PWWP2A: variants seen among roughly 807,000 people sequenced by gnomAD.
PWWP2A encodes the protein PWWP domain-containing protein 2A.
A neutral mutation model predicts 48.5 loss-of-function variants in PWWP2A; 18 were observed. That is an observed-to-expected ratio of 0.37 (90% CI 0.26 to 0.55). PWWP2A has a LOEUF of 0.55. Ranked by LOEUF, PWWP2A falls within the 20% of genes least tolerant of loss-of-function variation. The pLI, the probability that PWWP2A is intolerant of heterozygous loss-of-function variation, is 0.81. For synonymous variants in PWWP2A, 396 were observed against 387.7 expected (o/e 1.02, Z -0.25); for missense variants, 867 against 976.4 (o/e 0.89, Z 1.49).
At chr5:160,069,746 T>C (rs1290195668) in intron 2 of PWWP2A, among the ~76,000 whole-genome samples, 1 of 152,164 alleles carries the variant, frequency 6.6e-6, no homozygotes, top group African/African-American at 2.4e-5. Flanking sequence ...GTAAAGAAGG[T>C]CACTCTAAGC....
downstream of PWWP2A, among the ~76,000 whole-genome samples, chr5:160,087,181 G>C (rs111988279): frequency 0.013 from 1,934 of 152,136 alleles, 46 homozygotes; most frequent in African/African-American, 0.044. Flanking sequence ...GAGTTTGATA[G>C]CAGCCTGGGC....
chr5:160,109,400 T>C (rs958775244), intron 1 of PWWP2A, among the ~76,000 whole-genome samples: 5 of 152,146 alleles, frequency 3.3e-5, no homozygotes, highest in Non-Finnish European at 5.9e-5. Flanking sequence ...TTTCACTTTT[T>C]TCCCCCCATT....
the PWWP2A span, among the ~76,000 whole-genome samples, chr5:160,044,521 A>T: frequency 6.6e-6 from 1 of 152,224 alleles, no homozygotes; most frequent in Non-Finnish European, 1.5e-5. Context: ...TTTTTAGAAT[A>T]TATAGGGTAA....
chr5:160,092,326 T>C lies in PWWP2A; in HGVS notation c.*56A>G. 4 of 1,471,532 alleles carry C rather than the reference T, an allele frequency of 2.7e-6. No homozygotes were observed. Among genetic ancestry groups the C allele is most frequent in the Non-Finnish European group, 3.6e-6 (4 of 1,111,232 alleles). The allele number at this position is 1,471,532 out of a possible 1,614,324, so 91.2% of individuals were successfully genotyped here. On this transcript the variant is annotated 3_prime_UTR_variant, in exon 2 of 2. Coordinates refer to ENST00000307063, the MANE Select transcript of PWWP2A (RefSeq NM_001130864.2). Reference sequence around the variant, plus strand: ...CTATTTTGTAGAAATTATTCCTAACTAGACTAGAAAATCTGTGGTGACTTC... The same window carrying C: ...CTATTTTGTAGAAATTATTCCTAACCAGACTAGAAAATCTGTGGTGACTTC...
At chr5:160,045,369 G>A in the PWWP2A span, among the ~76,000 whole-genome samples, 1 of 151,064 alleles carries the variant, frequency 6.6e-6, no homozygotes, top group African/African-American at 2.4e-5. Flanking sequence ...TGGTCATTAT[G>A]GATACATGCA....
At chr5:160,061,084 C>T (rs72810136), downstream of PWWP2A, among the ~76,000 whole-genome samples, 1,021 of 152,294 alleles carry the variant, frequency 6.7e-3, 3 homozygotes, top group Non-Finnish European at 0.011. Context: ...CGTAGGCTGA[C>T]GGGCCTGGCT....
At chr5:160,108,497 G>T in intron 1 of PWWP2A, 1 of 933,222 alleles carries the variant, frequency 1.1e-6, no homozygotes, top group Non-Finnish European at 1.5e-6. Flanking sequence ...GAGGGCCTAA[G>T]TTCTCAACCT....
chr5:160,110,497 G>C (rs975370025), intron 1 of PWWP2A, among the ~76,000 whole-genome samples: 1 of 151,890 alleles, frequency 6.6e-6, no homozygotes, highest in Non-Finnish European at 1.5e-5. Flanking sequence ...ACCTAAGGTC[G>C]GGAGTTCAAG....
chr5:160,114,131 T>C (rs1014138020), intron 1 of PWWP2A, among the ~76,000 whole-genome samples: 2 of 152,190 alleles, frequency 1.3e-5, no homozygotes, highest in Non-Finnish European at 2.9e-5. Flanking sequence ...TTAAAGCAAC[T>C]GATGAATATG....
Position 160,093,432 on chromosome 5 carries a change from A to C in PWWP2A, c.1218T>G (p.Asn406Lys). The C allele has an allele frequency of 6.2e-7, 1 of 1,613,548 alleles. No homozygotes were observed. The highest frequency in any genetic ancestry group is 8.5e-7 in the Non-Finnish European group (1 of 1,179,792). The change falls in exon 2 of 2, where the codon AAT becomes AAG. Residue 406 changes from asparagine (N) to lysine (K), a missense_variant. Coordinates refer to ENST00000307063, the MANE Select transcript of PWWP2A (RefSeq NM_001130864.2). The surrounding 1 kb of genome is among the most constrained non-coding windows in gnomAD (Gnocchi z 5.8). ...TAGTACTTAACTGAGCTTTTGATGT[A>C]TTTGCCTGAGCAGAAACTTTTACTA... ...GRVVKVSAQANTSKAQLSTKK... is the reference protein window; with the variant it reads ...GRVVKVSAQAKTSKAQLSTKK...
At chr5:160,113,452 G>C (rs1263190455) in intron 1 of PWWP2A, 1 of 415,702 alleles carries the variant, frequency 2.4e-6, no homozygotes, top group Non-Finnish European at 3.2e-6. Context: ...CCACACAGTA[G>C]ACAGCTCTTC....
At chr5:160,050,274 C>A in the PWWP2A span, among the ~76,000 whole-genome samples, 3 of 152,046 alleles carry the variant, frequency 2.0e-5, no homozygotes, top group South Asian at 6.2e-4. Context: ...ATGGAGAAAC[C>A]CTGTCTCTAC....
chr5:160,103,001 T>C (rs1756473549), intron 1 of PWWP2A, among the ~76,000 whole-genome samples: 1 of 152,252 alleles, frequency 6.6e-6, no homozygotes, highest in Admixed American at 6.5e-5. Flanking sequence ...AATGTTTCTT[T>C]AATTTGAAAA....
rs1328137212 is a variant in PWWP2A at position 160,079,512 on chromosome 5, T to C, written c.1669+1139A>G. On this transcript the variant is annotated intron_variant, in intron 3 of 3. Transcript: ENST00000456329. ...TTTTTACTTTCTAAAACTAAGATAC[T>C]GTACTAATATGATTGCAATACTAAT... 2.0e-5 allele frequency among the ~76,000 whole-genome samples: 3 copies of C among 152,312 alleles called. No individual in the cohort carries two copies. The East Asian group carries it at 5.8e-4, about 29-fold the overall frequency.
intron 2 of PWWP2A, among the ~76,000 whole-genome samples, chr5:160,083,490 G>A (rs1020537955): frequency 4.6e-5 from 7 of 152,078 alleles, no homozygotes; most frequent in Non-Finnish European, 1.0e-4. Context: ...CCTCCATACG[G>A]CAAAACATTA....
chr5:160,105,734 CA>C, intron 1 of PWWP2A: 1 of 595,686 alleles, frequency 1.7e-6, no homozygotes, highest in Non-Finnish European at 2.1e-6. Flanking sequence ...AAGATCGCAC[CA>C]CTGCACTCCA....
intron 2 of PWWP2A, chr5:160,066,942 A>G (rs1753626073): frequency 6.6e-6 from 1 of 152,130 alleles, no homozygotes; most frequent in East Asian, 1.9e-4. Flanking sequence ...AGGCTGAGGC[A>G]GGAGGATTGA....
downstream of PWWP2A, among the ~76,000 whole-genome samples, chr5:160,087,365 G>C (rs535736259): frequency 6.8e-6 from 1 of 147,050 alleles, no homozygotes; most frequent in Non-Finnish European, 1.5e-5. Context: ...GGGTGACAGA[G>C]TGTGACCCTA....
chr5:160,044,655 G>A, the PWWP2A span, among the ~76,000 whole-genome samples: 16 of 152,188 alleles, frequency 1.1e-4, no homozygotes, highest in South Asian at 1.0e-3. Context: ...CACTTCCATC[G>A]CCATCTTGGC....
Sources: gnomAD v4.1 joint callset for allele counts (sites outside exome capture counted in the v4.1 genomes callset) on GRCh38, gnomAD v4.1.1 for gene constraint, Gnocchi (gnomAD v3.1) non-coding constraint, MANE v1.5 for transcripts, NCBI Gene and HGNC (gene_info 2026-07-23, HGNC 2026-07-21) for gene names.